Variants in GALNT11 observed in about 807,000 individuals in gnomAD.
GALNT11 encodes polypeptide N-acetylgalactosaminyltransferase 11.
In GALNT11, 47 loss-of-function variants were observed where a neutral mutation model predicts 72.7. That is an observed-to-expected ratio of 0.65 (90% CI 0.51 to 0.82). The LOEUF is 0.82. GALNT11 is among the 40% of genes least tolerant of loss of function. The pLI is 0.00. For missense variants in GALNT11, 677 were observed against 778.4 expected, an observed-to-expected ratio of 0.87 and a Z score of 1.55; for synonymous variants, 270 against 286.6, an observed-to-expected ratio of 0.94 and a Z score of 0.58.
intron 1 of GALNT11, among the ~76,000 whole-genome samples, chr7:152,036,922 T>A (rs748448594): frequency 6.6e-6 from 1 of 152,254 alleles, no homozygotes; most frequent in Non-Finnish European, 1.5e-5. Context: ...GCTCATTTTT[T>A]AATAGGATTA....
intron 1 of GALNT11, among the ~76,000 whole-genome samples, chr7:152,092,056 T>C (rs749412050): frequency 6.6e-6 from 1 of 152,050 alleles, no homozygotes; most frequent in Non-Finnish European, 1.5e-5. Flanking sequence ...GAAGAAGGGG[T>C]TGGCTCCCTA....
chr7:152,092,716 G>T (rs1000475433), intron 1 of GALNT11, among the ~76,000 whole-genome samples: 1 of 152,092 alleles, frequency 6.6e-6, no homozygotes, highest in Non-Finnish European at 1.5e-5. Context: ...GCTTTGTCCT[G>T]ATCTTTTGGG....
At chr7:152,056,550 CAT>C (rs373779891) in intron 1 of GALNT11, among the ~76,000 whole-genome samples, 9 of 152,318 alleles carry the variant, frequency 5.9e-5, no homozygotes, top group African/African-American at 1.9e-4. Context: ...CTTCTACACA[CAT>C]GTCCATGTGA....
chr7:152,107,600 A>C lies in GALNT11; in HGVS notation c.713-438A>C, dbSNP rs35739092. On this transcript the variant is annotated intron_variant, in intron 5 of 11. Coordinates refer to ENST00000430044, the MANE Select transcript of GALNT11 (RefSeq NM_022087.4). ...TACTGAGGCAGAGAGATGTCTTCTA[A>C]GTGTGTGCCAAACTTCAAAATATTT... 3.3e-3 allele frequency: 547 copies of C among 163,626 alleles called. 1 individual carries two copies. The highest frequency in any genetic ancestry group is 6.1e-3 in the Non-Finnish European group (451 of 73,616). The allele number at this position is 163,626 out of a possible 1,614,324, so 10.1% of individuals were successfully genotyped here.
chr7:152,111,657 A>G (rs1040134482), intron 7 of GALNT11, among the ~76,000 whole-genome samples: 1 of 149,548 alleles, frequency 6.7e-6, no homozygotes, highest in East Asian at 1.9e-4. Context: ...TTTTTAAATT[A>G]TAAAAGTATT....
At chr7:152,068,221 T>G (rs1444595202) in intron 1 of GALNT11, among the ~76,000 whole-genome samples, 1 of 152,206 alleles carries the variant, frequency 6.6e-6, no homozygotes, top group African/African-American at 2.4e-5. Flanking sequence ...GATCTCTTTA[T>G]CATCTCTATA....
At chr7:152,069,502 G>A (rs1425672082) in intron 1 of GALNT11, among the ~76,000 whole-genome samples, 1 of 152,178 alleles carries the variant, frequency 6.6e-6, no homozygotes, top group Non-Finnish European at 1.5e-5. Context: ...TGATCTGTCA[G>A]TAACTGACAG....
intron 1 of GALNT11, among the ~76,000 whole-genome samples, chr7:152,061,318 GTTGT>G (rs1236757774): frequency 4.6e-5 from 7 of 152,194 alleles, no homozygotes; most frequent in African/African-American, 7.2e-5. Context: ...TTTTGATGGG[GTTGT>G]TTGTTTTTTT....
chr7:152,102,976 C>T (rs974607957), intron 3 of GALNT11, 136 bp from the exon 4 acceptor site: 95 of 767,052 alleles, frequency 1.2e-4, no homozygotes, highest in Middle Eastern at 8.1e-4. Context: ...AGCGAGACTC[C>T]GTCTCAAAAA....
At chr7:152,057,199 A>G (rs2083732671) in intron 1 of GALNT11, among the ~76,000 whole-genome samples, 1 of 151,436 alleles carries the variant, frequency 6.6e-6, no homozygotes, top group Non-Finnish European at 1.5e-5. Context: ...AAATTTTCAG[A>G]CATGAAGAAA....
In GALNT11 at chr7:152,116,768, A is replaced by G. The variant is rs115784899; in HGVS notation, c.1234-389A>G. On this transcript the variant is annotated intron_variant, in intron 8 of 11. Transcript: ENST00000430044. Reference sequence around the variant, plus strand: ...CTTGTTTTAAGCCAGCCAGCCAGCAAAAAGGTTTGCAAAAATAGAAAGCAG... The same window carrying G: ...CTTGTTTTAAGCCAGCCAGCCAGCAGAAAGGTTTGCAAAAATAGAAAGCAG... The G allele has an allele frequency of 5.6e-3, 2,066 of 365,798 alleles. 45 individuals are homozygous for G. The highest frequency in any genetic ancestry group is 0.041 in the African/African-American group (1,929 of 47,130). 22.7% of individuals were successfully genotyped at this position (365,798 alleles called of 1,614,324 possible). A position where few individuals can be genotyped will look rare whatever the true frequency, so the allele number is the denominator to read the frequency against.
intron 1 of GALNT11, among the ~76,000 whole-genome samples, chr7:152,083,528 T>C (rs1174858542): frequency 1.3e-5 from 2 of 152,220 alleles, no homozygotes; most frequent in Non-Finnish European, 2.9e-5. Context: ...CTTTTTTCTC[T>C]TCTTTTCCCA....
intron 1 of GALNT11, among the ~76,000 whole-genome samples, chr7:152,038,563 A>T (rs940079558): frequency 1.3e-5 from 2 of 152,190 alleles, no homozygotes; most frequent in African/African-American, 4.8e-5. Flanking sequence ...GATTTTGTTT[A>T]TGGCCAGTTT....
At chr7:152,121,187 G>C (rs1477963732) in intron 11 of GALNT11, among the ~76,000 whole-genome samples, 2 of 152,162 alleles carry the variant, frequency 1.3e-5, no homozygotes, top group Non-Finnish European at 2.9e-5. Context: ...ACAGTAAGAG[G>C]TTCACAACAA....
chr7:152,102,349 C>G (rs578015079), intron 3 of GALNT11, among the ~76,000 whole-genome samples: 1 of 151,770 alleles, frequency 6.6e-6, no homozygotes. Flanking sequence ...CGAGACCATC[C>G]TGGCCAATGT....
Position 152,030,730 on chromosome 7 carries a change from CTT to C in GALNT11, c.-39+4848_-39+4849del, listed in dbSNP as rs1302964907. On this transcript the variant is annotated intron_variant, in intron 1 of 11. Transcript: ENST00000430044. ...TCTATGTCTCTCTCTCTGACTCTCT[CTT>C]TGTCTCTGTCTCTTTGACTTTGTCT... 4.6e-5 allele frequency among the ~76,000 whole-genome samples: 7 copies of C among 152,248 alleles called. No individual in the cohort carries two copies. The East Asian group carries it at 5.8e-4, about 13-fold the overall frequency.
chr7:152,026,432 A>G (rs2082018603), intron 1 of GALNT11, among the ~76,000 whole-genome samples: 1 of 152,216 alleles, frequency 6.6e-6, no homozygotes, highest in African/African-American at 2.4e-5. Flanking sequence ...CCCTTTGGCC[A>G]GGAGGAAATT....
chr7:152,041,728 A>G (rs2082870474), intron 1 of GALNT11, among the ~76,000 whole-genome samples: 1 of 152,242 alleles, frequency 6.6e-6, no homozygotes, highest in South Asian at 2.1e-4. Flanking sequence ...AAGGATAGAA[A>G]ATAGATTACT....
chr7:152,035,699 A>G (rs1465267698), intron 1 of GALNT11, among the ~76,000 whole-genome samples: 1 of 152,194 alleles, frequency 6.6e-6, no homozygotes, highest in Non-Finnish European at 1.5e-5. Flanking sequence ...CGGCTGTGCT[A>G]GTCAGTTTTA....
Sources: allele counts gnomAD v4.1 joint callset (sites outside exome capture counted in the v4.1 genomes callset), GRCh38; gene constraint gnomAD v4.1.1; transcripts MANE v1.5; gene names NCBI Gene and HGNC (gene_info 2026-07-23, HGNC 2026-07-21).